Variants in QTGAL observed in about 807,000 individuals in gnomAD.
The protein encoded by QTGAL is queuosine-tRNA galactosyltransferase, also known as BGnT-like protein 1.
chr17:82,964,028 C>G, the QTGAL span, among the ~76,000 whole-genome samples: 72,609 of 138,700 alleles, frequency 0.52, 18,786 homozygotes, highest in African/African-American at 0.6. Context: ...AGGCTGAGGT[C>G]GGGGGGGTGG....
At chr17:83,023,794 C>G in the QTGAL span, among the ~76,000 whole-genome samples, 1 of 152,184 alleles carries the variant, frequency 6.6e-6, no homozygotes, top group Non-Finnish European at 1.5e-5. Flanking sequence ...CAGGGAAGAG[C>G]TGGAAGGGAA....
the QTGAL span, among the ~76,000 whole-genome samples, chr17:82,965,079 G>C: frequency 2.0e-5 from 3 of 146,852 alleles, no homozygotes; most frequent in South Asian, 6.4e-4. Context: ...CACCCCCATG[G>C]GGAGGACGGG....
At chr17:83,047,621 T>C in the QTGAL span, among the ~76,000 whole-genome samples, 3 of 124,042 alleles carry the variant, frequency 2.4e-5, no homozygotes, top group African/African-American at 3.0e-5. Context: ...GAACAAGAAA[T>C]TTAAGTCTAT....
the QTGAL span, chr17:83,035,107 A>T: frequency 6.2e-7 from 1 of 1,609,956 alleles, no homozygotes; most frequent in Non-Finnish European, 8.5e-7. Flanking sequence ...CGACTGTGGA[A>T]AAAAGAAGAG....
the QTGAL span, among the ~76,000 whole-genome samples, chr17:82,977,733 G>C: frequency 2.0e-5 from 3 of 152,158 alleles, no homozygotes; most frequent in African/African-American, 7.2e-5. Context: ...ACGCAGGGCA[G>C]GACGGTGACG....
At chr17:83,017,686 G>A in the QTGAL span, among the ~76,000 whole-genome samples, 1 of 152,246 alleles carries the variant, frequency 6.6e-6, no homozygotes, top group Admixed American at 6.5e-5. Context: ...AATGTTTGAT[G>A]TGATGGATGG....
the QTGAL span, among the ~76,000 whole-genome samples, chr17:83,012,654 G>A: frequency 1.3e-5 from 2 of 152,156 alleles, no homozygotes; most frequent in Admixed American, 6.5e-5. Flanking sequence ...TGGCAGGGAC[G>A]CCCCTTTCCT....
At chr17:83,001,894 C>A in the QTGAL span, among the ~76,000 whole-genome samples, 1 of 152,070 alleles carries the variant, frequency 6.6e-6, no homozygotes, top group Non-Finnish European at 1.5e-5. Context: ...CTCAGCCTCC[C>A]GAGAAACTGG....
the QTGAL span, chr17:83,006,905 T>G: frequency 1.2e-6 from 1 of 821,784 alleles, no homozygotes; most frequent in African/African-American, 1.9e-5. This position sits in a 1 kb window ranked among gnomAD's most constrained non-coding sequence, Gnocchi z 5.8. Context: ...TACAGGAACT[T>G]CCAAACAGTC....
chr17:83,039,225 CCT>C, the QTGAL span, among the ~76,000 whole-genome samples: 1 of 151,370 alleles, frequency 6.6e-6, no homozygotes, highest in Admixed American at 6.6e-5. Context: ...GCCGCCCGCC[CCT>C]GTTCTAGACA....
At chr17:83,031,506 C>CCAGAGTCA in the QTGAL span, among the ~76,000 whole-genome samples, 15 of 151,880 alleles carry the variant, frequency 9.9e-5, no homozygotes, top group Admixed American at 2.0e-4. Context: ...CCTCGCAGGA[C>CCAGAGTCA]TGGCGCCACG....
the QTGAL span, among the ~76,000 whole-genome samples, chr17:82,979,646 G>T: frequency 6.6e-6 from 1 of 152,174 alleles, no homozygotes; most frequent in Non-Finnish European, 1.5e-5. Flanking sequence ...GACAAATAGT[G>T]AATTGGAAAA....
At chr17:83,043,656 A>G in the QTGAL span, among the ~76,000 whole-genome samples, 3 of 151,196 alleles carry the variant, frequency 2.0e-5, no homozygotes, top group African/African-American at 7.3e-5. Flanking sequence ...GGAAGGAAAC[A>G]GTGAAGATTA....
chr17:83,031,091 C>A, the QTGAL span, among the ~76,000 whole-genome samples: 17 of 152,216 alleles, frequency 1.1e-4, no homozygotes, highest in Admixed American at 9.2e-4. Flanking sequence ...TCTTTAAAAG[C>A]CAGGCTTCTT....
chr17:83,051,496 A>G, the QTGAL span, among the ~76,000 whole-genome samples: 1 of 152,206 alleles, frequency 6.6e-6, no homozygotes, highest in Non-Finnish European at 1.5e-5. Context: ...CGGGGGCAGG[A>G]AGCGCAGCCG....
the QTGAL span, chr17:82,961,125 G>C: frequency 4.4e-6 from 7 of 1,608,280 alleles, no homozygotes; most frequent in African/African-American, 9.3e-5. Context: ...CCACGCGGAT[G>C]ACGCCGCCGC....
the QTGAL span, among the ~76,000 whole-genome samples, chr17:82,970,693 C>T: frequency 7.7e-6 from 1 of 129,762 alleles, no homozygotes; most frequent in Non-Finnish European, 1.7e-5. Flanking sequence ...TGCGAGGCCT[C>T]TGCACACGGT....
At chr17:82,957,836 C>T in the QTGAL span, among the ~76,000 whole-genome samples, 1 of 152,168 alleles carries the variant, frequency 6.6e-6, no homozygotes, top group Non-Finnish European at 1.5e-5. Context: ...AACCTTTGTC[C>T]ATAAGGACAC....
the QTGAL span, among the ~76,000 whole-genome samples, chr17:82,972,184 C>T: frequency 1.7e-5 from 1 of 59,020 alleles, no homozygotes. Context: ...GGACCTGGTG[C>T]CGACACACCA....
Sources: allele counts gnomAD v4.1 joint callset (sites outside exome capture counted in the v4.1 genomes callset), GRCh38; gene constraint gnomAD v4.1.1; non-coding constraint Gnocchi (gnomAD v3.1); transcripts MANE v1.5; gene names NCBI Gene and HGNC (gene_info 2026-07-23, HGNC 2026-07-21).